Variants in MFSD11 observed in about 807,000 individuals in gnomAD.
MFSD11 encodes the protein UNC93-like protein MFSD11.
MFSD11 carries 36 observed loss-of-function variants against 53.5 expected under a neutral mutation model. The observed-to-expected ratio is 0.67, with a 90% CI of 0.52 to 0.89. MFSD11 has a LOEUF of 0.89. Ranked by LOEUF, MFSD11 falls within the 40% of genes least tolerant of loss-of-function variation. The pLI is 0.00. For missense variants in MFSD11, 530 were observed against 543.9 expected (o/e 0.97, Z 0.25); for synonymous variants, 186 against 184.9 (o/e 1.01, Z -0.05).
At chr17:76,784,779 A>G (rs1404654147), downstream of MFSD11, among the ~76,000 whole-genome samples, 3 of 151,924 alleles carry the variant, frequency 2.0e-5, no homozygotes, top group African/African-American at 7.3e-5. Context: ...TGTGCCTGTA[A>G]TCCTAGCTAA....
chr17:76,777,287 AG>A (rs2081934580), intron 12 of MFSD11, among the ~76,000 whole-genome samples: 1 of 151,396 alleles, frequency 6.6e-6, no homozygotes, highest in African/African-American at 2.4e-5. Context: ...AAAAAAAAAA[AG>A]ACAGTCTCAC....
the MFSD11 span, among the ~76,000 whole-genome samples, chr17:76,797,657 C>T: frequency 6.6e-6 from 1 of 152,080 alleles, no homozygotes; most frequent in Admixed American, 6.6e-5. Context: ...GAATGCCTGA[C>T]ATCCTGGGAA....
At chr17:76,736,877 G>C (rs751713049), upstream of MFSD11, 63 of 1,610,928 alleles carry the variant, frequency 3.9e-5, no homozygotes, top group Non-Finnish European at 4.2e-5. Context: ...TGAGTCCGGG[G>C]GGCGGCCGTA....
intron 8 of MFSD11, among the ~76,000 whole-genome samples, chr17:76,754,827 T>C (rs1598601956): frequency 1.3e-5 from 2 of 152,186 alleles, no homozygotes; most frequent in East Asian, 1.9e-4. Flanking sequence ...CTTTGTTTTT[T>C]ACTCTATGTA....
chr17:76,765,901 C>G (rs1222661775), intron 8 of MFSD11, among the ~76,000 whole-genome samples: 1 of 151,442 alleles, frequency 6.6e-6, no homozygotes, highest in East Asian at 1.9e-4. Flanking sequence ...TGGAACTTCC[C>G]TCTGTTATTA....
At chr17:76,782,454 C>T (rs1307810344), downstream of MFSD11, among the ~76,000 whole-genome samples, 1 of 136,368 alleles carries the variant, frequency 7.3e-6, no homozygotes, top group Non-Finnish European at 1.5e-5. Flanking sequence ...GGATTACAGG[C>T]GTGAGCCACC....
In MFSD11 at chr17:76,778,301, A is replaced by T. The variant is rs780927148; in HGVS notation, c.1299A>T (p.Glu433Asp). 1.9e-6 allele frequency: 3 copies of T among 1,614,066 alleles called. No homozygotes were observed. The African/African-American group carries it at 4.0e-5, about 22-fold the overall frequency. ...GAACAATTTCTTTCTTCACTGTGGA[A>T]TGGGAAGCTGCCGCCTTTGTAGCCC... ...FFGTISFFTV[E>D]WEAAAFVARG... The change falls in exon 13 of 13, where the codon GAA becomes GAT. Residue 433 changes from glutamate to aspartate, a missense_variant. Transcript: ENST00000685175.
At chr17:76,756,902 G>A (rs2079700516) in intron 8 of MFSD11, among the ~76,000 whole-genome samples, 1 of 151,926 alleles carries the variant, frequency 6.6e-6, no homozygotes, top group Non-Finnish European at 1.5e-5. Context: ...GATCACAGAG[G>A]CCAGAGGGGA....
chr17:76,788,335 C>T, the MFSD11 span, among the ~76,000 whole-genome samples: 22 of 148,688 alleles, frequency 1.5e-4, 1 homozygote, highest in Non-Finnish European at 1.5e-5. Flanking sequence ...AGACACCATG[C>T]CCAGCCCAAA....
At chr17:76,769,395 C>G (rs2081180746) in intron 9 of MFSD11, 1 of 167,782 alleles carries the variant, frequency 6.0e-6, no homozygotes, top group Non-Finnish European at 1.3e-5. Context: ...AGACAGGAAG[C>G]AAGCTTTTTG....
In MFSD11 at chr17:76,778,345, G is replaced by C; in HGVS notation, c.1343G>C (p.Ser448Thr). ...AFVARGSDYRSI is the reference protein window; with the variant it reads ...AFVARGSDYRTI ...GTAGCCCGCGGCTCTGACTACCGAA[G>C]TATCTGATCTGGTGTCCGTGAGGGG... The change falls in exon 13 of 13, where the codon AGT becomes ACT. Residue 448 changes from serine to threonine, a missense_variant. Transcript: ENST00000685175. 6.2e-7 allele frequency: 1 copy of C among 1,614,174 alleles called. No individual in the cohort carries two copies. Among genetic ancestry groups the C allele is most frequent in the East Asian group, 2.2e-5 (1 of 44,884 alleles).
At chr17:76,794,918 G>A in the MFSD11 span, among the ~76,000 whole-genome samples, 1 of 148,738 alleles carries the variant, frequency 6.7e-6, no homozygotes, top group Non-Finnish European at 1.5e-5. Context: ...CTGGTCTCGA[G>A]CTCCTGACCT....
the MFSD11 span, among the ~76,000 whole-genome samples, chr17:76,794,894 C>T: frequency 6.5e-4 from 99 of 151,214 alleles, no homozygotes; most frequent in African/African-American, 2.3e-3. Context: ...CGGGGTTTCA[C>T]CATCCTGGCC....
intron 7 of MFSD11, among the ~76,000 whole-genome samples, chr17:76,750,364 A>ATTTT (rs1256470874): frequency 8.1e-5 from 10 of 123,664 alleles, no homozygotes; most frequent in African/African-American, 1.7e-4. Context: ...TGTGTTAGTA[A>ATTTT]TTTTTTTTTT....
intron 7 of MFSD11, among the ~76,000 whole-genome samples, chr17:76,752,739 C>T (rs1176729042): frequency 6.6e-6 from 1 of 152,140 alleles, no homozygotes; most frequent in Admixed American, 6.6e-5. Context: ...AATAAAATTG[C>T]AGGTTGCGAC....
the MFSD11 span, among the ~76,000 whole-genome samples, chr17:76,787,368 C>G: frequency 0.011 from 1,664 of 149,872 alleles, 85 homozygotes; most frequent in African/African-American, 0.038. Context: ...AACTCCTGAC[C>G]TCAGGTGATC....
At chr17:76,746,030 A>T (rs1320599199) in intron 7 of MFSD11, among the ~76,000 whole-genome samples, 1 of 152,160 alleles carries the variant, frequency 6.6e-6, no homozygotes, top group Non-Finnish European at 1.5e-5. Context: ...AGACAGGCTG[A>T]AAGCTATGCC....
chr17:76,741,135 C>A lies in MFSD11; in HGVS notation c.260+71C>A, dbSNP rs2078046896. 30 of 996,318 alleles carry A rather than the reference C, an allele frequency of 3.0e-5. 1 individual carries two copies. In the South Asian group the frequency reaches 3.9e-4, roughly 13 times the overall value. The allele number at this position is 996,318 out of a possible 1,614,324, so 61.7% of individuals were successfully genotyped here. A position where few individuals can be genotyped will look rare whatever the true frequency, so the allele number is the denominator to read the frequency against. On this transcript the variant is annotated intron_variant, in intron 3 of 12. Coordinates refer to ENST00000685175, the MANE Select transcript of MFSD11 (RefSeq NM_001242532.5). ...GATCTTTCAAGTAGATAGTAAACTT[C>A]ACAATAATTTATAGACTTGGACTGA...
upstream of MFSD11, chr17:76,737,527 G>A (rs959038903): frequency 6.9e-6 from 2 of 289,704 alleles, no homozygotes; most frequent in Non-Finnish European, 6.5e-6. Context: ...CGGCTGGAGG[G>A]AGGGGGAGCG....
Sources: allele counts gnomAD v4.1 joint callset (sites outside exome capture counted in the v4.1 genomes callset), GRCh38; gene constraint gnomAD v4.1.1; transcripts MANE v1.5; gene names NCBI Gene and HGNC (gene_info 2026-07-23, HGNC 2026-07-21).